The following MMP15 variants were observed in gnomAD, a reference collection of about 807,000 sequenced individuals.
MMP15 encodes matrix metallopeptidase 15.
MMP15 carries 36 observed loss-of-function variants against 65.0 expected under a neutral mutation model. The observed-to-expected ratio is 0.55, with a 90% confidence interval of 0.42 to 0.73. The LOEUF is 0.73. Ranked by LOEUF, MMP15 falls within the 30% of genes least tolerant of loss-of-function variation. The pLI, the probability that MMP15 is intolerant of heterozygous loss-of-function variation, is 0.00. For synonymous variants in MMP15, 428 were observed against 410.2 expected (o/e 1.04, Z -0.52); for missense variants, 870 against 987.8 (o/e 0.88, Z 1.60).
chr16:58,026,662 C>A, intron 1 of MMP15, 150 bp downstream of exon 1: 1 of 885,858 alleles, frequency 1.1e-6, no homozygotes, highest in Non-Finnish European at 1.5e-6. Flanking sequence ...TGGCAGTCTG[C>A]CCCTCCCCAG....
At chr16:58,041,978 T>C in intron 6 of MMP15, 108 bp downstream of exon 6, 4 of 1,349,722 alleles carry the variant, frequency 3.0e-6, no homozygotes, top group Non-Finnish European at 4.0e-6. Context: ...AGCCCTCAGC[T>C]CTAGATGGGG....
chr16:58,042,890 A>C (rs1959483578), intron 7 of MMP15, among the ~76,000 whole-genome samples: 1 of 152,162 alleles, frequency 6.6e-6, no homozygotes, highest in Admixed American at 6.5e-5. Flanking sequence ...CCAGGGACAC[A>C]GCCCCCAGAC....
At chr16:58,043,659 C>G in intron 9 of MMP15, 32 bp downstream of exon 9, 1 of 1,503,914 alleles carries the variant, frequency 6.6e-7, no homozygotes, top group Non-Finnish European at 9.1e-7. Context: ...GTTTGCCCAG[C>G]ACCTAATATC....
intron 3 of MMP15, 62 bp downstream of exon 3, chr16:58,038,456 T>C: frequency 1.2e-6 from 2 of 1,602,094 alleles, no homozygotes; most frequent in South Asian, 1.1e-5. Flanking sequence ...TCAGACCTCC[T>C]TTCCCAGAGC....
Position 58,034,980 on chromosome 16 carries a change from A to G in MMP15, c.163-2492A>G, listed in dbSNP as rs117077394. Among the ~76,000 whole-genome samples, 918 of 131,652 alleles carry G rather than the reference A, an allele frequency of 7.0e-3. 5 individuals carry two copies. The highest frequency in any genetic ancestry group is 8.3e-3 in the Non-Finnish European group (524 of 62,940). 86.4% of individuals were successfully genotyped at this position (131,652 alleles called of 152,430 possible). A position where few individuals can be genotyped will look rare whatever the true frequency, so the allele number is the denominator to read the frequency against. The stretch of plus-strand genomic sequence containing the variant: ...GCAGATACCGCTAATCAGCCCCTCC[A>G]TGGCCCATGATTGCGCTCCCAGAGA... On this transcript the variant is annotated intron_variant, in intron 1 of 9. Transcript: ENST00000219271.
chr16:58,033,700 C>T (rs1037474107), intron 1 of MMP15, among the ~76,000 whole-genome samples: 1 of 152,184 alleles, frequency 6.6e-6, no homozygotes, highest in Non-Finnish European at 1.5e-5. Flanking sequence ...GTCAGTAGTT[C>T]GAGACCAGCC....
At chr16:58,034,976 C>T (rs1312101218) in intron 1 of MMP15, among the ~76,000 whole-genome samples, 7 of 151,710 alleles carry the variant, frequency 4.6e-5, no homozygotes, top group Non-Finnish European at 1.0e-4. Context: ...TAATCAGCCC[C>T]TCCATGGCCC....
At chr16:58,031,853 CTTTTTTTTTTTT>C (rs749779284) in intron 1 of MMP15, among the ~76,000 whole-genome samples, 8 of 57,746 alleles carry the variant, frequency 1.4e-4, no homozygotes, top group South Asian at 8.4e-4. Context: ...TCGATGCCGC[CTTTTTTTTTTTT>C]TTTTTTTTTT....
intron 1 of MMP15, among the ~76,000 whole-genome samples, chr16:58,027,691 A>G (rs1188010618): frequency 6.6e-6 from 1 of 152,114 alleles, no homozygotes; most frequent in African/African-American, 2.4e-5. Context: ...CTACTTTAAT[A>G]AAAGCATAGA....
intron 5 of MMP15, 122 bp downstream of exon 5, chr16:58,040,820 G>GAC: frequency 7.2e-7 from 1 of 1,393,116 alleles, no homozygotes; most frequent in South Asian, 1.2e-5. Flanking sequence ...GAGGATTAGT[G>GAC]ACTTGCCCAC....
rs1395218785 is a variant in MMP15, at chr16:58,025,918, G to A, written c.-433G>A. The A allele has an allele frequency of 6.5e-6, 1 of 153,168 alleles. No homozygotes were observed. The highest frequency in any genetic ancestry group is 2.4e-5 in the African/African-American group (1 of 41,458). 9.5% of individuals were successfully genotyped at this position (153,168 alleles called of 1,614,324 possible). A position where few individuals can be genotyped will look rare whatever the true frequency, so the allele number is the denominator to read the frequency against. ...CGGGCCCGGTCGGGCGCGGCGGCGA[G>A]CAGAATCCCCGTGCAGGAGGCGCGC... On this transcript the variant is annotated 5_prime_UTR_variant, in exon 1 of 10. Coordinates refer to ENST00000219271, the MANE Select transcript of MMP15 (RefSeq NM_002428.4).
intron 1 of MMP15, among the ~76,000 whole-genome samples, chr16:58,029,375 T>G (rs1963866337): frequency 6.6e-6 from 1 of 152,358 alleles, no homozygotes; most frequent in South Asian, 2.1e-4. Context: ...GCCCACCAGC[T>G]AAGAAAAGGG....
At chr16:58,031,609 C>T (rs1467168903) in intron 1 of MMP15, among the ~76,000 whole-genome samples, 2 of 152,130 alleles carry the variant, frequency 1.3e-5, no homozygotes, top group African/African-American at 4.8e-5. Flanking sequence ...GTGGGGCAGG[C>T]TGGAAGGCTG....
intron 1 of MMP15, among the ~76,000 whole-genome samples, chr16:58,035,129 C>T (rs1959304548): frequency 6.6e-6 from 1 of 152,214 alleles, no homozygotes; most frequent in African/African-American, 2.4e-5. Flanking sequence ...AGCATCATGG[C>T]CTCGCCTTCT....
chr16:58,031,142 G>A (rs1186252878), intron 1 of MMP15, among the ~76,000 whole-genome samples: 3 of 152,162 alleles, frequency 2.0e-5, no homozygotes, highest in African/African-American at 7.2e-5. Flanking sequence ...ACTGTGAGTT[G>A]AGAGAAATGA....
At chr16:58,034,141 T>C (rs1386243870) in intron 1 of MMP15, among the ~76,000 whole-genome samples, 4 of 152,244 alleles carry the variant, frequency 2.6e-5, no homozygotes, top group Non-Finnish European at 5.9e-5. Context: ...CTTCACCCGC[T>C]TGGCTCACCC....
chr16:58,042,603 A>C (rs1481048039), intron 7 of MMP15, among the ~76,000 whole-genome samples: 1 of 152,186 alleles, frequency 6.6e-6, no homozygotes, highest in African/African-American at 2.4e-5. Flanking sequence ...CTTGTGCAGC[A>C]CAGGGCTCAG....
rs1032833629 is a variant in MMP15 at position 58,038,250 on chromosome 16, T to C, written c.312-16T>C. 4.3e-6 allele frequency: 7 copies of C among 1,612,982 alleles called. No homozygotes were observed. In the African/African-American group the frequency reaches 9.3e-5, roughly 22 times the overall value. ...AGGGGAGGCTCCGTGCTCACCCCTC[T>C]GTGTCCATGTCCCAGGTGGATGAAG... On this transcript the variant is annotated splice_polypyrimidine_tract_variant and intron_variant, in intron 2 of 9. Coordinates refer to ENST00000219271, the MANE Select transcript of MMP15 (RefSeq NM_002428.4).
chr16:58,042,403 C>T (rs1196970737), intron 7 of MMP15, 34 bp downstream of exon 7: 1 of 1,609,366 alleles, frequency 6.2e-7, no homozygotes. Flanking sequence ...GTTGGGCACG[C>T]CTCCTGCCAT....
Sources: gnomAD v4.1 joint callset for allele counts (sites outside exome capture counted in the v4.1 genomes callset) on GRCh38, gnomAD v4.1.1 for gene constraint, MANE v1.5 for transcripts, NCBI Gene and HGNC (gene_info 2026-07-23, HGNC 2026-07-21) for gene names.